CD247: variants seen among roughly 807,000 people sequenced by gnomAD.
CD247 encodes T-cell surface glycoprotein CD3 zeta chain.
A neutral mutation model predicts 30.0 loss-of-function variants in CD247; 13 were observed. The observed-to-expected ratio is 0.43, with a 90% CI of 0.28 to 0.69. The LOEUF is 0.69. Among genes scored for constraint, CD247 ranks in the 30% least tolerant of loss-of-function variants. The probability of loss-of-function intolerance (pLI) is 0.16; values close to 1 mark genes in which losing one functional copy is unlikely to be tolerated. For missense variants in CD247, 193 were observed against 212.6 expected, an observed-to-expected ratio of 0.91 and a Z score of 0.57; for synonymous variants, 72 against 80.0, an observed-to-expected ratio of 0.90 and a Z score of 0.53.
chr1:167,431,691 G>A lies in CD247; in HGVS notation c.485C>T (p.Pro162Leu). The A allele has an allele frequency of 6.2e-7, 1 of 1,613,984 alleles. No individual in the cohort carries two copies. Among genetic ancestry groups the A allele is most frequent in the South Asian group, 1.1e-5 (1 of 91,082 alleles). ...TYDALHMQAL[P>L]PR ...GAAATCCCCTGGCTGTTAGCGAGGG[G>A]GCAGGGCCTGCATGTGAAGGGCGTC... The change falls in exon 8 of 8, where the codon CCC (proline) becomes CTC (leucine). Residue 162 changes from proline to leucine, a missense_variant. Pro to Leu is a moderately conservative substitution (Grantham distance 98). Coordinates refer to ENST00000362089, the MANE Select transcript of CD247 (RefSeq NM_198053.3).
intron 1 of CD247, among the ~76,000 whole-genome samples, chr1:167,513,883 C>T (rs1178038702): frequency 6.6e-6 from 1 of 152,080 alleles, no homozygotes; most frequent in Non-Finnish European, 1.5e-5. Context: ...TATCTTAAAC[C>T]ATCCTTACAA....
chr1:167,462,034 A>C (rs553590099), intron 1 of CD247, among the ~76,000 whole-genome samples: 77 of 152,320 alleles, frequency 5.1e-4, no homozygotes, highest in Non-Finnish European at 1.0e-3. Flanking sequence ...TGACCAATTC[A>C]CAGAGTATAG....
At chr1:167,490,025 C>CT (rs575346743) in intron 1 of CD247, among the ~76,000 whole-genome samples, 185 of 152,108 alleles carry the variant, frequency 1.2e-3, no homozygotes, top group African/African-American at 4.2e-3. Context: ...CACCCCACCC[C>CT]TTTTTTTGAC....
intron 1 of CD247, among the ~76,000 whole-genome samples, chr1:167,515,003 C>T (rs998041726): frequency 6.6e-6 from 1 of 152,140 alleles, no homozygotes; most frequent in Non-Finnish European, 1.5e-5. Flanking sequence ...TGGTTATTCA[C>T]CTAAGCCAGA....
intron 1 of CD247, among the ~76,000 whole-genome samples, chr1:167,479,864 T>C (rs1335227844): frequency 6.6e-6 from 1 of 152,216 alleles, no homozygotes; most frequent in African/African-American, 2.4e-5. Context: ...CACCAAATAA[T>C]TTAGCACAAC....
At chr1:167,449,141 T>G (rs918917040) in intron 1 of CD247, among the ~76,000 whole-genome samples, 2 of 76,616 alleles carry the variant, frequency 2.6e-5, no homozygotes, top group African/African-American at 1.1e-4. Context: ...TGTGATCATT[T>G]TTCTTTTCTT....
At chr1:167,515,733 G>T (rs913462132) in intron 1 of CD247, among the ~76,000 whole-genome samples, 1 of 152,206 alleles carries the variant, frequency 6.6e-6, no homozygotes, top group Admixed American at 6.5e-5. Context: ...AGAGGGATGA[G>T]TTGGATTGCA....
intron 1 of CD247, among the ~76,000 whole-genome samples, chr1:167,477,744 G>A (rs1010354525): frequency 3.9e-5 from 6 of 152,174 alleles, no homozygotes; most frequent in Non-Finnish European, 8.8e-5. Context: ...GGCCAGGCTG[G>A]TCTCAGACTC....
At chr1:167,485,233 G>A (rs1170834485) in intron 1 of CD247, among the ~76,000 whole-genome samples, 2 of 152,194 alleles carry the variant, frequency 1.3e-5, no homozygotes, top group Non-Finnish European at 2.9e-5. Context: ...AAGGGAGCTT[G>A]CAGGGAGAGC....
chr1:167,448,514 C>T, intron 1 of CD247: 2 of 985,404 alleles, frequency 2.0e-6, no homozygotes, highest in Non-Finnish European at 2.4e-6. Flanking sequence ...TACAGAAGGC[C>T]TGCTACCAAA....
chr1:167,455,161 G>A (rs1036965770), intron 1 of CD247, among the ~76,000 whole-genome samples: 2 of 152,198 alleles, frequency 1.3e-5, no homozygotes, highest in Non-Finnish European at 2.9e-5. Flanking sequence ...GAGAGGAAAT[G>A]CCACTTGGAT....
At chr1:167,503,296 C>G (rs939302302) in intron 1 of CD247, among the ~76,000 whole-genome samples, 4 of 152,190 alleles carry the variant, frequency 2.6e-5, no homozygotes, top group African/African-American at 9.7e-5. Context: ...AAATCCTACC[C>G]ATTCATATCC....
At chr1:167,458,051 G>A (rs1652791304) in intron 1 of CD247, among the ~76,000 whole-genome samples, 1 of 152,190 alleles carries the variant, frequency 6.6e-6, no homozygotes, top group Non-Finnish European at 1.5e-5. Flanking sequence ...GCCTACACCA[G>A]TGCTATCACC....
intron 1 of CD247, among the ~76,000 whole-genome samples, chr1:167,517,296 C>A (rs1393510648): frequency 6.6e-6 from 1 of 152,238 alleles, no homozygotes; most frequent in Non-Finnish European, 1.5e-5. Flanking sequence ...GCCTCTCCTG[C>A]CCTCCCAACA....
intron 1 of CD247, among the ~76,000 whole-genome samples, chr1:167,514,069 G>A (rs2982481): frequency 0.39 from 58,713 of 152,112 alleles, 14,256 homozygotes; most frequent in African/African-American, 0.69. Context: ...TAATTTAATC[G>A]TATGAAAACA....
At chr1:167,438,420 C>T in intron 4 of CD247, 150 bp downstream of exon 4, 1 of 727,662 alleles carries the variant, frequency 1.4e-6, no homozygotes. Flanking sequence ...GGTGCGGCAG[C>T]AAGTGGGTCT....
intron 1 of CD247, among the ~76,000 whole-genome samples, chr1:167,461,027 G>C (rs538489878): frequency 6.6e-6 from 1 of 152,192 alleles, no homozygotes. Context: ...CGCCTATGAC[G>C]TACTTTGCGT....
intron 1 of CD247, among the ~76,000 whole-genome samples, chr1:167,468,063 G>A (rs1653340939): frequency 6.6e-6 from 1 of 152,028 alleles, no homozygotes; most frequent in Non-Finnish European, 1.5e-5. Context: ...TATTTATGAA[G>A]ATACTACGCT....
chr1:167,489,606 A>G (rs752547084), intron 1 of CD247, among the ~76,000 whole-genome samples: 3 of 152,204 alleles, frequency 2.0e-5, no homozygotes, highest in South Asian at 4.1e-4. Flanking sequence ...CCAGAGTGAC[A>G]TAGCGCAGGG....
Sources: gnomAD v4.1 joint callset for allele counts (sites outside exome capture counted in the v4.1 genomes callset) on GRCh38, gnomAD v4.1.1 for gene constraint, MANE v1.5 for transcripts, NCBI Gene and HGNC (gene_info 2026-07-23, HGNC 2026-07-21) for gene names.